UBAC2: variants seen among roughly 807,000 people sequenced by gnomAD.
The protein encoded by UBAC2 is UBA domain containing 2.
Under a neutral mutation model 44.0 loss-of-function variants are expected in UBAC2, and 26 were observed. That is an observed-to-expected ratio of 0.59 (90% CI 0.43 to 0.82). The LOEUF (loss-of-function observed/expected upper bound fraction) is 0.82, where lower values mean the gene tolerates loss of function less well. UBAC2 is among the 40% of genes least tolerant of loss of function. The probability of loss-of-function intolerance (pLI) is 0.00; values close to 1 mark genes in which losing one functional copy is unlikely to be tolerated. For missense variants in UBAC2, 329 were observed against 419.4 expected (o/e 0.78, Z 1.88); for synonymous variants, 155 against 154.3 (o/e 1.00, Z -0.04).
At chr13:99,309,602 T>TTTTG (rs964608364) in intron 4 of UBAC2, among the ~76,000 whole-genome samples, 2 of 152,072 alleles carry the variant, frequency 1.3e-5, no homozygotes, top group Non-Finnish European at 2.9e-5. Context: ...TTTACAGTTT[T>TTTTG]TTTGTTTGTT....
At chr13:99,345,387 G>T (rs1444669237) in intron 7 of UBAC2, among the ~76,000 whole-genome samples, 1 of 151,128 alleles carries the variant, frequency 6.6e-6, no homozygotes, top group Admixed American at 6.6e-5. Context: ...AACCACAGAG[G>T]AGGAGACAAA....
chr13:99,208,724 T>C (rs1479467045), intron 1 of UBAC2, among the ~76,000 whole-genome samples: 1 of 152,126 alleles, frequency 6.6e-6, no homozygotes, highest in East Asian at 1.9e-4. Flanking sequence ...AGTTTCTGGA[T>C]TGAGTGGAAT....
intron 6 of UBAC2, among the ~76,000 whole-genome samples, chr13:99,318,738 G>C (rs1485276267): frequency 3.3e-5 from 5 of 150,192 alleles, no homozygotes; most frequent in Non-Finnish European, 7.4e-5. Flanking sequence ...GGAGAATGGC[G>C]TGGAACCCGA....
intron 4 of UBAC2, among the ~76,000 whole-genome samples, chr13:99,246,719 C>T (rs1427706644): frequency 6.6e-6 from 1 of 152,204 alleles, no homozygotes; most frequent in Non-Finnish European, 1.5e-5. Flanking sequence ...TTTGCTTACT[C>T]TCAGAAGAGG....
rs1417199805 is a variant in UBAC2, at chr13:99,385,418, G to A, written c.*83G>A. On this transcript the variant is annotated 3_prime_UTR_variant, in exon 9 of 9. Transcript: ENST00000403766. ...ACCATCAGATCAGCCCGGGGACCGA[G>A]CATCTCTGGTGCTGATGTTCTTGTG... is the stretch of plus-strand genomic sequence containing the variant. 1.2e-5 allele frequency: 14 copies of A among 1,121,406 alleles called. No individual in the cohort carries two copies. The highest frequency in any genetic ancestry group is 1.9e-5 in the Non-Finnish European group (14 of 750,630). The allele number at this position is 1,121,406 out of a possible 1,614,324, so 69.5% of individuals were successfully genotyped here.
intron 4 of UBAC2, among the ~76,000 whole-genome samples, chr13:99,304,958 G>T (rs1007685650): frequency 1.3e-5 from 2 of 152,202 alleles, no homozygotes; most frequent in African/African-American, 4.8e-5. Context: ...TAGGAGAACT[G>T]GGGGAAGGGA....
chr13:99,373,488 G>A (rs2045436884), intron 8 of UBAC2, among the ~76,000 whole-genome samples: 1 of 152,160 alleles, frequency 6.6e-6, no homozygotes, highest in Admixed American at 6.5e-5. Flanking sequence ...CTCTGCACCG[G>A]GGCTAAGCGC....
intron 4 of UBAC2, among the ~76,000 whole-genome samples, chr13:99,287,643 C>CTTTTTTTTTTTTTTTTTT (rs11304203): frequency 6.4e-4 from 61 of 95,114 alleles, no homozygotes; most frequent in African/African-American, 1.1e-3. Context: ...TTTTTTCTTT[C>CTTTTTTTTTTTTTTTTTT]TTTTTTTTTT....
chr13:99,208,371 A>T (rs1459641422), intron 1 of UBAC2, among the ~76,000 whole-genome samples: 3 of 152,048 alleles, frequency 2.0e-5, no homozygotes, highest in African/African-American at 7.2e-5. Flanking sequence ...CTTGTGACTT[A>T]CCCTTTATGC....
intron 7 of UBAC2, among the ~76,000 whole-genome samples, chr13:99,348,845 T>C (rs2045033108): frequency 6.6e-6 from 1 of 152,178 alleles, no homozygotes; most frequent in Admixed American, 6.5e-5. Context: ...ACCTCTTCTC[T>C]ACAAAAAAAT....
intron 4 of UBAC2, among the ~76,000 whole-genome samples, chr13:99,280,138 A>G (rs911533277): frequency 6.6e-6 from 1 of 152,084 alleles, no homozygotes; most frequent in Non-Finnish European, 1.5e-5. Flanking sequence ...CCCTAATTTT[A>G]TCTACAAAGG....
chr13:99,232,421 T>TATATATATA (rs61314371), intron 1 of UBAC2, among the ~76,000 whole-genome samples: 8 of 139,838 alleles, frequency 5.7e-5, no homozygotes, highest in Non-Finnish European at 7.8e-5. Flanking sequence ...TATATATATA[T>TATATATATA]TCACACACAC....
intron 4 of UBAC2, among the ~76,000 whole-genome samples, chr13:99,281,735 A>G (rs1054873890): frequency 4.6e-5 from 7 of 152,240 alleles, no homozygotes; most frequent in African/African-American, 1.7e-4. Flanking sequence ...GAGATTGCCA[A>G]TCATTTTAAC....
At chr13:99,237,166 T>TA (rs992306135) in intron 1 of UBAC2, among the ~76,000 whole-genome samples, 7 of 152,130 alleles carry the variant, frequency 4.6e-5, no homozygotes, top group Non-Finnish European at 1.0e-4. Context: ...TTCTTTGTTG[T>TA]ATACTTCCAT....
chr13:99,302,906 A>T (rs1026184373), intron 4 of UBAC2, among the ~76,000 whole-genome samples: 1 of 152,160 alleles, frequency 6.6e-6, no homozygotes, highest in African/African-American at 2.4e-5. Context: ...TTTGAGTCCT[A>T]AATTGATAGC....
chr13:99,371,372 A>G (rs1019550062), intron 8 of UBAC2, among the ~76,000 whole-genome samples: 6 of 152,224 alleles, frequency 3.9e-5, no homozygotes, highest in African/African-American at 1.4e-4. Context: ...TTATCCTGCA[A>G]ATAGCTGTTA....
At chr13:99,333,099 G>T (rs572796977) in intron 6 of UBAC2, among the ~76,000 whole-genome samples, 2 of 152,120 alleles carry the variant, frequency 1.3e-5, no homozygotes, top group South Asian at 2.1e-4. Context: ...CCGTCTCTGG[G>T]GGGGGAAGAA....
chr13:99,255,190 T>G, intron 4 of UBAC2: 1 of 1,614,136 alleles, frequency 6.2e-7, no homozygotes, highest in Non-Finnish European at 8.5e-7. Context: ...TATGGACTTC[T>G]CCTTGACTTT....
chr13:99,348,032 C>CT (rs2045018616), intron 7 of UBAC2, among the ~76,000 whole-genome samples: 1 of 152,150 alleles, frequency 6.6e-6, no homozygotes, highest in South Asian at 2.1e-4. Flanking sequence ...CCCAGCAGAG[C>CT]TGCCTTCTCC....
Sources: allele counts gnomAD v4.1 joint callset (sites outside exome capture counted in the v4.1 genomes callset), GRCh38; gene constraint gnomAD v4.1.1; transcripts MANE v1.5; gene names NCBI Gene and HGNC (gene_info 2026-07-23, HGNC 2026-07-21).